Variants in ARHGAP15 observed in about 807,000 individuals in gnomAD.
The protein encoded by ARHGAP15 is rho GTPase-activating protein 15.
In ARHGAP15, 51 loss-of-function variants were observed where a neutral mutation model predicts 63.7. That is an observed-to-expected ratio of 0.80 (90% CI 0.64 to 1.01). The LOEUF is 1.01. Ranked by LOEUF, ARHGAP15 falls within the 50% of genes least tolerant of loss-of-function variation. ARHGAP15 has a pLI of 0.00. For synonymous variants in ARHGAP15, 191 were observed against 193.8 expected (o/e 0.99, Z 0.12); for missense variants, 560 against 564.6 (o/e 0.99, Z 0.08).
chr2:143,274,743 A>G (rs1255722062), intron 6 of ARHGAP15, among the ~76,000 whole-genome samples: 1 of 152,240 alleles, frequency 6.6e-6, no homozygotes, highest in Non-Finnish European at 1.5e-5. Flanking sequence ...TCAGAATTTC[A>G]TAACGACATT....
At chr2:143,714,634 G>A (rs982550408) in intron 13 of ARHGAP15, among the ~76,000 whole-genome samples, 1 of 152,178 alleles carries the variant, frequency 6.6e-6, no homozygotes, top group African/African-American at 2.4e-5. Context: ...CAGCACCTAA[G>A]TCACCTTTTG....
intron 1 of ARHGAP15, among the ~76,000 whole-genome samples, chr2:143,153,836 CTTCTTCT>C (rs1558779545): frequency 1.0e-3 from 87 of 85,518 alleles, no homozygotes; most frequent in Middle Eastern, 5.0e-3. Flanking sequence ...TCTTCTTCTT[CTTCTTCT>C]TCCTCCTCCT....
At chr2:143,255,850 G>A (rs1174981584) in intron 6 of ARHGAP15, among the ~76,000 whole-genome samples, 1 of 151,620 alleles carries the variant, frequency 6.6e-6, no homozygotes, top group Non-Finnish European at 1.5e-5. Flanking sequence ...AAAAGACACG[G>A]CATTAAAAAT....
At chr2:143,330,095 A>C (rs1684445266) in intron 6 of ARHGAP15, among the ~76,000 whole-genome samples, 1 of 54,578 alleles carries the variant, frequency 1.8e-5, no homozygotes, top group Non-Finnish European at 3.4e-5. Context: ...GCTCTGTCTC[A>C]AAAAAAAAAA....
intron 6 of ARHGAP15, among the ~76,000 whole-genome samples, chr2:143,299,267 A>T (rs959571941): frequency 1.3e-5 from 2 of 151,984 alleles, no homozygotes; most frequent in African/African-American, 4.8e-5. Context: ...GTAAGTCTAG[A>T]GAGACAGAGT....
At chr2:143,687,828 T>A (rs535280876) in intron 12 of ARHGAP15, among the ~76,000 whole-genome samples, 2 of 152,306 alleles carry the variant, frequency 1.3e-5, no homozygotes, top group South Asian at 2.1e-4. Context: ...GAAAAAAGAA[T>A]CCATACTCCT....
chr2:143,663,678 G>A (rs1280367256), intron 12 of ARHGAP15, among the ~76,000 whole-genome samples: 1 of 152,120 alleles, frequency 6.6e-6, no homozygotes, highest in Non-Finnish European at 1.5e-5. Flanking sequence ...CCCATCTCAT[G>A]TGCAGAGACA....
intron 8 of ARHGAP15, among the ~76,000 whole-genome samples, chr2:143,462,801 G>GGACAGACGGACAGACA (rs1185372740): frequency 2.0e-5 from 3 of 152,102 alleles, no homozygotes; most frequent in Non-Finnish European, 4.4e-5. Flanking sequence ...ATGGATGGAT[G>GGACAGACGGACAGACA]GACAGACGGA....
intron 6 of ARHGAP15, among the ~76,000 whole-genome samples, chr2:143,374,254 A>C (rs547620702): frequency 2.0e-5 from 3 of 152,294 alleles, no homozygotes; most frequent in Non-Finnish European, 4.4e-5. Flanking sequence ...ATAGAATATT[A>C]TAGGTGGATT....
intron 8 of ARHGAP15, among the ~76,000 whole-genome samples, chr2:143,482,590 G>A (rs1180435258): frequency 1.3e-5 from 2 of 152,098 alleles, no homozygotes; most frequent in South Asian, 4.1e-4. Flanking sequence ...TTCCTTAATT[G>A]GTTATGTTGT....
chr2:143,541,136 A>G (rs901875609), intron 10 of ARHGAP15, among the ~76,000 whole-genome samples: 1 of 152,034 alleles, frequency 6.6e-6, no homozygotes, highest in Admixed American at 6.5e-5. Context: ...TTCATCTTCC[A>G]TCGCTGATAC....
chr2:143,279,463 G>A lies in ARHGAP15; in HGVS notation c.474+28863G>A, dbSNP rs571230318. Among the ~76,000 whole-genome samples the A allele has an allele frequency of 4.6e-5, 7 of 151,040 alleles. 1 individual carries two copies. In the South Asian group the frequency reaches 8.3e-4, roughly 18 times the overall value. ...ATGACTGCATTGCAGAATGTGACCC[G>A]GGCCTATTTTTGAGATCCTTTCCAA... On this transcript the variant is annotated intron_variant, in intron 6 of 13. Transcript: ENST00000295095.
At chr2:143,742,393 G>A (rs943727308) in intron 13 of ARHGAP15, among the ~76,000 whole-genome samples, 1 of 152,146 alleles carries the variant, frequency 6.6e-6, no homozygotes, top group Non-Finnish European at 1.5e-5. Flanking sequence ...ACCGTGCAAC[G>A]CCAAGTCTAG....
intron 10 of ARHGAP15, among the ~76,000 whole-genome samples, chr2:143,523,424 C>A (rs1415195230): frequency 1.3e-5 from 2 of 152,072 alleles, no homozygotes; most frequent in Non-Finnish European, 2.9e-5. Context: ...GACCAGGAGA[C>A]ATTTAATTTT....
intron 7 of ARHGAP15, 109 bp from the exon 8 acceptor site, chr2:143,436,804 A>G: frequency 8.9e-7 from 1 of 1,121,512 alleles, no homozygotes. Flanking sequence ...TCCTCAAATA[A>G]TTACCTTACT....
chr2:143,407,701 T>G (rs1462265802), intron 6 of ARHGAP15, among the ~76,000 whole-genome samples: 1 of 151,762 alleles, frequency 6.6e-6, no homozygotes, highest in Non-Finnish European at 1.5e-5. Flanking sequence ...TTTTATTTTG[T>G]GTATTTTACC....
intron 13 of ARHGAP15, among the ~76,000 whole-genome samples, chr2:143,754,906 T>A (rs1437615268): frequency 1.3e-5 from 2 of 152,222 alleles, no homozygotes; most frequent in African/African-American, 4.8e-5. Context: ...GCAACTCAAC[T>A]GCCTTGCCTT....
intron 8 of ARHGAP15, among the ~76,000 whole-genome samples, chr2:143,459,318 G>A (rs1690812988): frequency 6.7e-6 from 1 of 148,480 alleles, no homozygotes; most frequent in African/African-American, 2.5e-5. Context: ...TGCCAAAATG[G>A]TGCATCTGGT....
chr2:143,598,417 C>A (rs77870858), intron 11 of ARHGAP15, among the ~76,000 whole-genome samples: 1 of 152,126 alleles, frequency 6.6e-6, no homozygotes, highest in Non-Finnish European at 1.5e-5. Context: ...GTGAAATACA[C>A]GTGTTAAAAT....
Sources: allele counts gnomAD v4.1 joint callset (sites outside exome capture counted in the v4.1 genomes callset), GRCh38; gene constraint gnomAD v4.1.1; transcripts MANE v1.5; gene names NCBI Gene and HGNC (gene_info 2026-07-23, HGNC 2026-07-21).